PDPK1: variants seen among roughly 807,000 people sequenced by gnomAD.
PDPK1 encodes 3-phosphoinositide-dependent protein kinase 1.
In PDPK1, 7 loss-of-function variants were observed where a neutral mutation model predicts 39.8. That is an observed-to-expected ratio of 0.18 (90% confidence interval 0.10 to 0.33). PDPK1 has a LOEUF of 0.33. Ranked by LOEUF, PDPK1 falls within the 10% of genes least tolerant of loss-of-function variation. The pLI, the probability that PDPK1 is intolerant of heterozygous loss-of-function variation, is 1.00. For missense variants in PDPK1, 182 were observed against 384.7 expected (o/e 0.47, Z 4.41); for synonymous variants, 118 against 159.1 (o/e 0.74, Z 1.95).
chr16:2,584,842 C>T (rs1419677420), intron 10 of PDPK1, among the ~76,000 whole-genome samples: 1 of 152,240 alleles, frequency 6.6e-6, no homozygotes, highest in Non-Finnish European at 1.5e-5. Flanking sequence ...ATGTGGCCAC[C>T]TGCAGCTTTC....
rs552329672 is a variant in PDPK1, at chr16:2,599,573, C to G, written c.*1806C>G. The G allele has an allele frequency of 4.3e-6, 1 of 232,538 alleles. No individual in the cohort carries two copies. Among genetic ancestry groups the G allele is most frequent in the Admixed American group, 5.6e-5 (1 of 17,748 alleles). 14.4% of individuals were successfully genotyped at this position (232,538 alleles called of 1,614,324 possible). On this transcript the variant is annotated 3_prime_UTR_variant, in exon 14 of 14. Transcript: ENST00000342085. ...TACCCTGGGGCCCCAGGGAGCAGGACGCTCCGGGGCCCAGCACGTTGCCCT... is the reference window on the plus strand; with the variant it reads ...TACCCTGGGGCCCCAGGGAGCAGGAGGCTCCGGGGCCCAGCACGTTGCCCT...
intron 1 of PDPK1, among the ~76,000 whole-genome samples, chr16:2,545,464 G>C (rs2066325223): frequency 6.6e-6 from 1 of 151,746 alleles, no homozygotes; most frequent in African/African-American, 2.4e-5. Flanking sequence ...CTCCTGAGTA[G>C]CTGGGACTAT....
chr16:2,544,101 C>T (rs899933003), intron 1 of PDPK1, among the ~76,000 whole-genome samples: 1 of 152,100 alleles, frequency 6.6e-6, no homozygotes, highest in African/African-American at 2.4e-5. Context: ...AGTACAGATG[C>T]AATTTCTTGT....
chr16:2,589,160 T>A (rs1392003555), intron 11 of PDPK1, among the ~76,000 whole-genome samples: 37 of 152,166 alleles, frequency 2.4e-4, no homozygotes, highest in Non-Finnish European at 3.2e-4. Context: ...TTCACCATGT[T>A]GGCCAGTCTG....
chr16:2,541,403 TGAG>T, intron 1 of PDPK1, among the ~76,000 whole-genome samples: 1 of 152,156 alleles, frequency 6.6e-6, no homozygotes, highest in South Asian at 2.1e-4. Context: ...GCTGCAGAAA[TGAG>T]GGGGCAAGCG....
chr16:2,592,051 C>T (rs964832089), intron 11 of PDPK1, among the ~76,000 whole-genome samples: 4 of 152,196 alleles, frequency 2.6e-5, no homozygotes, highest in African/African-American at 4.8e-5. Context: ...AGAGCCCTCC[C>T]GAGGGGTGGA....
intron 1 of PDPK1, among the ~76,000 whole-genome samples, chr16:2,544,119 A>G (rs1368097197): frequency 1.3e-5 from 2 of 152,152 alleles, no homozygotes; most frequent in African/African-American, 2.4e-5. Context: ...TGTTTTTCTA[A>G]TATTTTCTAT....
At position 2,599,823 on chromosome 16, in the gene PDPK1, C is replaced by T. The variant is rs1447545827; in HGVS notation, c.*2056C>T. ...TATAGGGAAACAAGTGGAGCAGGGA[C>T]GTGGCTTTAATTGGAGCACTCGGCT... On this transcript the variant is annotated 3_prime_UTR_variant, in exon 14 of 14. Coordinates refer to ENST00000342085, the MANE Select transcript of PDPK1 (RefSeq NM_002613.5). The T allele has an allele frequency of 1.7e-5, 4 of 233,856 alleles. No individual in the cohort carries two copies. The highest frequency in any genetic ancestry group is 1.8e-4 in the South Asian group (1 of 5,538). 14.5% of individuals were successfully genotyped at this position (233,856 alleles called of 1,614,324 possible). A position where few individuals can be genotyped will look rare whatever the true frequency, so the allele number is the denominator to read the frequency against.
Position 2,586,843 on chromosome 16 carries a change from C to T in PDPK1, c.1293C>T (p.Ser431=), listed in dbSNP as rs766478163. 18 of 1,614,098 alleles carry T rather than the reference C, an allele frequency of 1.1e-5. No homozygotes were observed. The highest frequency in any genetic ancestry group is 7.7e-5 in the South Asian group (7 of 91,076). ...SNSFELDLQF[S]EDEKRLLLEK... ...CCTTTGAACTGGACTTACAGTTTTCCGAAGATGAGAAGAGGTTGTTGTTGG... is the reference window on the plus strand; with the variant it reads ...CCTTTGAACTGGACTTACAGTTTTCTGAAGATGAGAAGAGGTTGTTGTTGG... Residue 431 remains serine (S), a synonymous_variant, in exon 11 of 14, where the codon TCC becomes TCT. Transcript: ENST00000342085.
rs149315179 is a variant in PDPK1, at chr16:2,599,241, TTGC to T, written c.*1478_*1480del. 3,301 of 233,168 alleles carry T rather than the reference TTGC, an allele frequency of 0.014. 97 individuals carry two copies. Among genetic ancestry groups the T allele is most frequent in the African/African-American group, 0.067 (3,022 of 45,394 alleles). The allele number at this position is 233,168 out of a possible 1,614,324, so 14.4% of individuals were successfully genotyped here. A position where few individuals can be genotyped will look rare whatever the true frequency, so the allele number is the denominator to read the frequency against. On this transcript the variant is annotated 3_prime_UTR_variant, in exon 14 of 14. Coordinates refer to ENST00000342085, the MANE Select transcript of PDPK1 (RefSeq NM_002613.5). ...ACTCCCTTTGGGGGAGAGGCAGACATTGCTGCCCACAGACCTGCCTCTGACTCA... is the reference window on the plus strand; with the variant it reads ...ACTCCCTTTGGGGGAGAGGCAGACATTGCCCACAGACCTGCCTCTGACTCA...
At chr16:2,594,370 C>G (rs1048959328) in intron 11 of PDPK1, 1 of 152,082 alleles carries the variant, frequency 6.6e-6, no homozygotes, top group African/African-American at 2.4e-5. Flanking sequence ...TAGTGAAACC[C>G]CATCTCTGCT....
At chr16:2,585,670 T>C (rs1042944629) in intron 10 of PDPK1, among the ~76,000 whole-genome samples, 1 of 152,024 alleles carries the variant, frequency 6.6e-6, no homozygotes, top group Non-Finnish European at 1.5e-5. Context: ...GGGGCCGGCG[T>C]GGAGGGGCCG....
At chr16:2,553,351 T>TTTA (rs1423307066) in intron 1 of PDPK1, among the ~76,000 whole-genome samples, 1 of 142,128 alleles carries the variant, frequency 7.0e-6, no homozygotes, top group African/African-American at 2.8e-5. Flanking sequence ...TTTTTTTTTT[T>TTTA]AATTTCTTTT....
At chr16:2,546,763 G>A (rs1227813097) in intron 1 of PDPK1, among the ~76,000 whole-genome samples, 1 of 152,128 alleles carries the variant, frequency 6.6e-6, no homozygotes, top group Non-Finnish European at 1.5e-5. Flanking sequence ...TAGCTTCTAA[G>A]GTGTCCTGTG....
intron 7 of PDPK1, among the ~76,000 whole-genome samples, chr16:2,580,550 A>G (rs1297440417): frequency 1.1e-5 from 1 of 92,792 alleles, no homozygotes; most frequent in Non-Finnish European, 2.0e-5. Context: ...CCATTTTTGT[A>G]TCGTATTAAA....
chr16:2,586,627 C>G, intron 10 of PDPK1, 49 bp from the exon 11 acceptor site: 1 of 1,547,304 alleles, frequency 6.5e-7, no homozygotes, highest in Non-Finnish European at 8.9e-7. Flanking sequence ...GTTTTAGGAC[C>G]TTAGAGGCAA....
chr16:2,545,613 G>C (rs1285334143), intron 1 of PDPK1, among the ~76,000 whole-genome samples: 1 of 152,034 alleles, frequency 6.6e-6, no homozygotes, highest in African/African-American at 2.4e-5. Context: ...TCCTGCTTCA[G>C]CTTCATGAGT....
chr16:2,553,040 C>G (rs2066445185), intron 1 of PDPK1, among the ~76,000 whole-genome samples: 1 of 146,428 alleles, frequency 6.8e-6, no homozygotes, highest in Non-Finnish European at 1.5e-5. Context: ...GTACGTGCAC[C>G]TGTGTGTGTG....
chr16:2,540,476 T>C (rs1166504628), intron 1 of PDPK1, among the ~76,000 whole-genome samples: 5 of 152,152 alleles, frequency 3.3e-5, no homozygotes, highest in African/African-American at 4.8e-5. Context: ...GACTCCAGTG[T>C]CACCCTGCCC....
Sources: allele counts gnomAD v4.1 joint callset (sites outside exome capture counted in the v4.1 genomes callset), GRCh38; gene constraint gnomAD v4.1.1; transcripts MANE v1.5; gene names NCBI Gene and HGNC (gene_info 2026-07-23, HGNC 2026-07-21).